CNBD1: variants seen among roughly 807,000 people sequenced by gnomAD.
CNBD1 encodes the protein cyclic nucleotide binding domain containing 1.
Under a neutral mutation model 54.4 loss-of-function variants are expected in CNBD1, and 71 were observed. The observed-to-expected ratio is 1.30, with a 90% confidence interval of 1.08 to 1.59. CNBD1 has a LOEUF of 1.59. CNBD1 is among the 40% of genes most tolerant of loss of function. The probability of loss-of-function intolerance (pLI) is 0.00; values close to 1 mark genes in which losing one functional copy is unlikely to be tolerated. For missense variants in CNBD1, 659 were observed against 518.0 expected, an observed-to-expected ratio of 1.27 and a Z score of -2.64; for synonymous variants, 182 against 170.7, an observed-to-expected ratio of 1.07 and a Z score of -0.51.
chr8:87,222,176 A>G (rs1586339948), intron 5 of CNBD1, among the ~76,000 whole-genome samples: 1 of 152,080 alleles, frequency 6.6e-6, no homozygotes, highest in Non-Finnish European at 1.5e-5. Flanking sequence ...ATTGACCATC[A>G]TAGAGTTTTA....
chr8:86,990,244 T>C (rs1448270778), intron 4 of CNBD1, among the ~76,000 whole-genome samples: 3 of 152,200 alleles, frequency 2.0e-5, no homozygotes, highest in Non-Finnish European at 2.9e-5. Context: ...TGTCTGTGTT[T>C]GTGGAATATT....
chr8:86,950,472 C>T (rs1807589965), intron 4 of CNBD1, among the ~76,000 whole-genome samples: 1 of 152,012 alleles, frequency 6.6e-6, no homozygotes, highest in South Asian at 2.1e-4. Flanking sequence ...GTTGAACTAC[C>T]CTTGCATCCC....
At chr8:87,343,934 AC>A (rs1381286537) in intron 8 of CNBD1, among the ~76,000 whole-genome samples, 22 of 152,128 alleles carry the variant, frequency 1.4e-4, no homozygotes, top group Admixed American at 1.2e-3. Flanking sequence ...AATATATCAT[AC>A]TTGATACATA....
At chr8:86,894,150 T>C (rs999726605) in intron 2 of CNBD1, among the ~76,000 whole-genome samples, 1 of 132,922 alleles carries the variant, frequency 7.5e-6, no homozygotes, top group Non-Finnish European at 1.6e-5. Context: ...CAAGCTCCGC[T>C]TCCCGGGTTC....
chr8:87,358,494 T>C (rs1424453634), intron 10 of CNBD1, among the ~76,000 whole-genome samples: 1 of 152,076 alleles, frequency 6.6e-6, no homozygotes, highest in Non-Finnish European at 1.5e-5. Flanking sequence ...TGTTAACTGG[T>C]GCAAGGCAAA....
At chr8:87,348,737 T>C (rs1810222995) in intron 8 of CNBD1, among the ~76,000 whole-genome samples, 1 of 152,232 alleles carries the variant, frequency 6.6e-6, no homozygotes, top group Admixed American at 6.5e-5. Context: ...AGACCTTCAC[T>C]ATCCCAGTGC....
intron 6 of CNBD1, among the ~76,000 whole-genome samples, chr8:87,249,778 T>C (rs2130837976): frequency 6.6e-6 from 1 of 152,280 alleles, no homozygotes; most frequent in East Asian, 1.9e-4. Context: ...GGAGTTAGTT[T>C]GACAGTATGC....
chr8:87,045,420 T>C (rs1432340579), intron 4 of CNBD1, among the ~76,000 whole-genome samples: 3 of 152,192 alleles, frequency 2.0e-5, no homozygotes, highest in African/African-American at 7.2e-5. Context: ...GTAAGTTTTA[T>C]TCCAATTGGC....
chr8:87,297,406 A>G (rs367567571), intron 8 of CNBD1, among the ~76,000 whole-genome samples: 1 of 152,014 alleles, frequency 6.6e-6, no homozygotes, highest in African/African-American at 2.4e-5. Flanking sequence ...CGGCTACCCT[A>G]TGGGATAGCA....
intron 4 of CNBD1, among the ~76,000 whole-genome samples, chr8:87,191,181 C>G (rs1813602644): frequency 6.6e-6 from 1 of 151,678 alleles, no homozygotes; most frequent in African/African-American, 2.4e-5. Flanking sequence ...TAGCAGAAGG[C>G]CCAAGAGTCC....
chr8:87,045,759 C>T (rs1810172375), intron 4 of CNBD1, among the ~76,000 whole-genome samples: 1 of 146,678 alleles, frequency 6.8e-6, no homozygotes, highest in African/African-American at 2.6e-5. Context: ...ACACATGTGC[C>T]GGCCAGGCAT....
chr8:87,224,208 T>C (rs1163330897), intron 5 of CNBD1, among the ~76,000 whole-genome samples: 3 of 151,748 alleles, frequency 2.0e-5, no homozygotes, highest in Non-Finnish European at 2.9e-5. Flanking sequence ...TTCACTCTGA[T>C]GGTAGTTTCT....
At chr8:87,030,757 A>G (rs1048262154) in intron 4 of CNBD1, among the ~76,000 whole-genome samples, 5 of 152,172 alleles carry the variant, frequency 3.3e-5, no homozygotes, top group African/African-American at 1.2e-4. Flanking sequence ...ATGGAGGGAC[A>G]CACAGCTCCA....
In CNBD1 at chr8:86,967,647, A is replaced by T. The variant is rs573636080; in HGVS notation, c.431+27893A>T. Among the ~76,000 whole-genome samples, 3 of 152,246 alleles carry T rather than the reference A, an allele frequency of 2.0e-5. No individual in the cohort carries two copies. In the East Asian group the frequency reaches 5.8e-4, roughly 29 times the overall value. On this transcript the variant is annotated intron_variant, in intron 4 of 10. Coordinates refer to ENST00000518476, the MANE Select transcript of CNBD1 (RefSeq NM_173538.3). ...TAACATTTTTTAAATTCTTTCTCAG[A>T]ATTTTATCACTTCTTATATTTTCCA...
At chr8:87,416,864 A>G (rs1807846108) in intron 2 of CNBD1, among the ~76,000 whole-genome samples, 1 of 152,050 alleles carries the variant, frequency 6.6e-6, no homozygotes, top group South Asian at 2.1e-4. Context: ...ATAAATATGG[A>G]TGTAAAAATT....
intron 4 of CNBD1, among the ~76,000 whole-genome samples, chr8:87,155,995 AACAG>A (rs757326001): frequency 1.3e-5 from 2 of 152,080 alleles, no homozygotes; most frequent in Admixed American, 6.6e-5. Context: ...AACTTGGGAA[AACAG>A]ACGGACTAGA....
At chr8:87,287,975 G>A (rs943333983) in intron 8 of CNBD1, among the ~76,000 whole-genome samples, 4 of 151,768 alleles carry the variant, frequency 2.6e-5, no homozygotes, top group Non-Finnish European at 5.9e-5. Flanking sequence ...TTCCTAATTA[G>A]TTATAAATGG....
At chr8:87,099,772 T>C (rs955245494) in intron 4 of CNBD1, among the ~76,000 whole-genome samples, 1 of 152,212 alleles carries the variant, frequency 6.6e-6, no homozygotes, top group Non-Finnish European at 1.5e-5. Context: ...ATAATCATCT[T>C]TGAGATGTCT....
intron 5 of CNBD1, among the ~76,000 whole-genome samples, chr8:87,219,537 C>G (rs1294167084): frequency 6.6e-6 from 1 of 151,820 alleles, no homozygotes; most frequent in Non-Finnish European, 1.5e-5. Context: ...GTATATATAG[C>G]CAGAATATAT....
Sources: allele counts gnomAD v4.1 joint callset (sites outside exome capture counted in the v4.1 genomes callset), GRCh38; gene constraint gnomAD v4.1.1; transcripts MANE v1.5; gene names NCBI Gene and HGNC (gene_info 2026-07-23, HGNC 2026-07-21).